SPMAP2L: variants seen among roughly 807,000 people sequenced by gnomAD.
SPMAP2L encodes sperm microtubule associated protein 2-like.
the SPMAP2L span, chr4:56,530,721 G>A: frequency 6.5e-7 from 1 of 1,535,390 alleles, no homozygotes; most frequent in Non-Finnish European, 8.7e-7. Flanking sequence ...CGTCCGAGGT[G>A]ACCGATGGGC....
At chr4:56,543,169 C>T in the SPMAP2L span, among the ~76,000 whole-genome samples, 17 of 151,874 alleles carry the variant, frequency 1.1e-4, no homozygotes, top group Middle Eastern at 3.4e-3. Context: ...CTGAAAGCTC[C>T]GCCTCCCGGG....
chr4:56,604,967 C>T, the SPMAP2L span, among the ~76,000 whole-genome samples: 71 of 152,168 alleles, frequency 4.7e-4, no homozygotes, highest in African/African-American at 1.5e-3. Context: ...GATGCAAAGG[C>T]GTAAGAATGA....
chr4:56,566,050 T>C, the SPMAP2L span, among the ~76,000 whole-genome samples: 1 of 152,216 alleles, frequency 6.6e-6, no homozygotes, highest in Non-Finnish European at 1.5e-5. Flanking sequence ...ATAATCTCTG[T>C]TTTTAAATTG....
the SPMAP2L span, among the ~76,000 whole-genome samples, chr4:56,554,950 T>C: frequency 6.7e-6 from 1 of 150,122 alleles, no homozygotes; most frequent in African/African-American, 2.4e-5. Context: ...TTTTTTTTTT[T>C]TTTTTTGAGA....
the SPMAP2L span, among the ~76,000 whole-genome samples, chr4:56,613,004 C>T: frequency 2.3e-4 from 35 of 152,056 alleles, no homozygotes; most frequent in Non-Finnish European, 5.9e-5. Flanking sequence ...GTCCCTGCTC[C>T]ATCTCATCAC....
At chr4:56,579,033 C>G in the SPMAP2L span, among the ~76,000 whole-genome samples, 1 of 151,944 alleles carries the variant, frequency 6.6e-6, no homozygotes, top group African/African-American at 2.4e-5. Context: ...CAATACCCCA[C>G]TTTTAATAAT....
At chr4:56,604,078 T>TA in the SPMAP2L span, among the ~76,000 whole-genome samples, 1 of 152,184 alleles carries the variant, frequency 6.6e-6, no homozygotes, top group African/African-American at 2.4e-5. Flanking sequence ...AAAATGAACT[T>TA]ACTTGAAAGC....
the SPMAP2L span, among the ~76,000 whole-genome samples, chr4:56,545,073 G>A: frequency 6.6e-6 from 1 of 152,184 alleles, no homozygotes; most frequent in African/African-American, 2.4e-5. Flanking sequence ...ACATTTGCAT[G>A]TGATTGACTA....
the SPMAP2L span, among the ~76,000 whole-genome samples, chr4:56,588,460 T>G: frequency 6.6e-6 from 1 of 151,562 alleles, no homozygotes; most frequent in Non-Finnish European, 1.5e-5. Context: ...AGACGGAGGT[T>G]CATTCTTGTT....
At chr4:56,543,782 C>G in the SPMAP2L span, among the ~76,000 whole-genome samples, 1 of 152,022 alleles carries the variant, frequency 6.6e-6, no homozygotes, top group African/African-American at 2.4e-5. Flanking sequence ...AGAATAATTA[C>G]TAAATCTGTT....
chr4:56,595,025 G>A, the SPMAP2L span: 65 of 1,606,468 alleles, frequency 4.0e-5, no homozygotes, highest in African/African-American at 1.9e-4. Flanking sequence ...TCACTAAAGC[G>A]GAATGAGGAT....
At chr4:56,600,917 CTT>C in the SPMAP2L span, 1 of 1,527,148 alleles carries the variant, frequency 6.5e-7, no homozygotes, top group South Asian at 1.2e-5. Flanking sequence ...TTTTGTGTCT[CTT>C]TGTTTCCACT....
the SPMAP2L span, among the ~76,000 whole-genome samples, chr4:56,543,909 T>A: frequency 2.8e-5 from 4 of 142,812 alleles, no homozygotes; most frequent in Non-Finnish European, 6.1e-5. Flanking sequence ...TGTGTGTGTG[T>A]GTGTGTGTGT....
chr4:56,590,381 G>A, the SPMAP2L span, among the ~76,000 whole-genome samples: 1 of 152,184 alleles, frequency 6.6e-6, no homozygotes, highest in Non-Finnish European at 1.5e-5. Context: ...AATTATGCAT[G>A]GCTAAAAGGT....
the SPMAP2L span, among the ~76,000 whole-genome samples, chr4:56,535,188 T>A: frequency 1.3e-5 from 2 of 152,216 alleles, no homozygotes; most frequent in African/African-American, 4.8e-5. Flanking sequence ...ACATTTAAAA[T>A]GTCATCATCT....
chr4:56,595,452 C>G, the SPMAP2L span: 2 of 1,604,704 alleles, frequency 1.2e-6, no homozygotes, highest in East Asian at 4.5e-5. Context: ...AAGTTGCTGA[C>G]ATTGAGGAGG....
At chr4:56,567,442 GTTTTTT>G in the SPMAP2L span, among the ~76,000 whole-genome samples, 654 of 65,574 alleles carry the variant, frequency 1.0e-2, 13 homozygotes, top group African/African-American at 0.037. Context: ...AATTTTGGTG[GTTTTTT>G]TTTTTTTTTT....
At chr4:56,592,859 A>G in the SPMAP2L span, 2 of 1,609,568 alleles carry the variant, frequency 1.2e-6, no homozygotes, top group African/African-American at 2.7e-5. Context: ...TCGGAGGCAC[A>G]TCGGCCCTGG....
chr4:56,610,767 T>G, the SPMAP2L span, among the ~76,000 whole-genome samples: 1 of 151,940 alleles, frequency 6.6e-6, no homozygotes, highest in Non-Finnish European at 1.5e-5. Flanking sequence ...AAAAATCCCA[T>G]TAAAAGGTGG....
Sources: gnomAD v4.1 joint callset for allele counts (sites outside exome capture counted in the v4.1 genomes callset) on GRCh38, gnomAD v4.1.1 for gene constraint, MANE v1.5 for transcripts, NCBI Gene and HGNC (gene_info 2026-07-23, HGNC 2026-07-21) for gene names.